The following NEDD4L variants were observed in gnomAD, a reference collection of about 807,000 sequenced individuals.
NEDD4L encodes E3 ubiquitin-protein ligase NEDD4-like.
In NEDD4L, 54 loss-of-function variants were observed where a neutral mutation model predicts 148.9. The observed-to-expected ratio is 0.36, with a 90% CI of 0.29 to 0.45. The LOEUF is 0.45. Among genes scored for constraint, NEDD4L ranks in the 20% least tolerant of loss-of-function variants. The probability of loss-of-function intolerance (pLI) is 1.00; values close to 1 mark genes in which losing one functional copy is unlikely to be tolerated. For missense variants in NEDD4L, 856 were observed against 1,233.8 expected (o/e 0.69, Z 4.59); for synonymous variants, 433 against 440.7 (o/e 0.98, Z 0.22).
intron 1 of NEDD4L, chr18:58,091,247 T>C (rs951040943): frequency 9.9e-5 from 15 of 152,226 alleles, no homozygotes; most frequent in African/African-American, 2.9e-4. Flanking sequence ...GTACCTTTCC[T>C]AAAGTGTGGT....
chr18:58,187,816 C>G (rs1362892891), intron 2 of NEDD4L, among the ~76,000 whole-genome samples: 1 of 151,900 alleles, frequency 6.6e-6, no homozygotes, highest in Non-Finnish European at 1.5e-5. Context: ...TCACCACCGC[C>G]CCCCACCCCC....
chr18:58,195,688 TC>T, intron 2 of NEDD4L: 1 of 1,352,080 alleles, frequency 7.4e-7, no homozygotes, highest in Non-Finnish European at 9.8e-7. Context: ...GACCTGCCTC[TC>T]TCTCCGCTCC....
intron 2 of NEDD4L, among the ~76,000 whole-genome samples, chr18:58,187,088 G>A (rs972522622): frequency 2.0e-5 from 3 of 152,234 alleles, no homozygotes; most frequent in Non-Finnish European, 2.9e-5. Flanking sequence ...AGGCCACTCA[G>A]TAGGAAGGGC....
intron 17 of NEDD4L, among the ~76,000 whole-genome samples, chr18:58,349,879 T>A (rs1451662836): frequency 6.6e-6 from 1 of 152,198 alleles, no homozygotes; most frequent in African/African-American, 2.4e-5. Context: ...CAAGAGACGT[T>A]CTCTGCAGGT....
intron 2 of NEDD4L, among the ~76,000 whole-genome samples, chr18:58,201,133 G>A (rs1284605238): frequency 2.0e-5 from 3 of 152,170 alleles, no homozygotes; most frequent in Non-Finnish European, 4.4e-5. Context: ...AGGAGTTCGA[G>A]GCCACCCTGG....
At chr18:58,373,722 C>T (rs562331120) in intron 24 of NEDD4L, among the ~76,000 whole-genome samples, 5 of 152,290 alleles carry the variant, frequency 3.3e-5, no homozygotes, top group Admixed American at 1.3e-4. Flanking sequence ...TGGCAGGCTC[C>T]GGTTTTTCTA....
intron 2 of NEDD4L, among the ~76,000 whole-genome samples, chr18:58,170,035 G>A (rs2037372417): frequency 6.6e-6 from 1 of 152,006 alleles, no homozygotes; most frequent in Admixed American, 6.6e-5. Context: ...ATAGCACATA[G>A]CACCTAACAG....
intron 1 of NEDD4L, among the ~76,000 whole-genome samples, chr18:58,057,521 T>C (rs2082142428): frequency 6.6e-6 from 1 of 152,134 alleles, no homozygotes; most frequent in South Asian, 2.1e-4. Flanking sequence ...CAGCTGCACC[T>C]GGATGGGGTA....
chr18:58,108,848 G>A (rs1460726753), intron 1 of NEDD4L, among the ~76,000 whole-genome samples: 1 of 152,172 alleles, frequency 6.6e-6, no homozygotes, highest in Non-Finnish European at 1.5e-5. Context: ...GACATAAATA[G>A]GCAGAGTTTC....
intron 20 of NEDD4L, among the ~76,000 whole-genome samples, chr18:58,364,667 T>A (rs1764957438): frequency 6.6e-6 from 1 of 152,190 alleles, no homozygotes; most frequent in Non-Finnish European, 1.5e-5. Flanking sequence ...TTATGCGCAG[T>A]TATCATATTT....
chr18:58,243,625 A>G (rs1273069479), intron 2 of NEDD4L, among the ~76,000 whole-genome samples: 6 of 152,122 alleles, frequency 3.9e-5, no homozygotes, highest in Non-Finnish European at 8.8e-5. Flanking sequence ...CGCCTGATTC[A>G]TCTGCCAGCC....
chr18:58,227,561 CTCTG>C (rs1408151427), intron 2 of NEDD4L, among the ~76,000 whole-genome samples: 3 of 152,160 alleles, frequency 2.0e-5, no homozygotes, highest in Non-Finnish European at 2.9e-5. Flanking sequence ...TCCCTGCATG[CTCTG>C]TCTAAGGGCT....
intron 1 of NEDD4L, among the ~76,000 whole-genome samples, chr18:58,124,778 A>C (rs978768162): frequency 2.4e-4 from 37 of 152,252 alleles, no homozygotes; most frequent in African/African-American, 8.9e-4. Context: ...TTTATTCAAT[A>C]ATAATCACTA....
intron 16 of NEDD4L, among the ~76,000 whole-genome samples, chr18:58,344,067 TG>T (rs1276139153): frequency 6.6e-6 from 1 of 152,234 alleles, no homozygotes; most frequent in African/African-American, 2.4e-5. Flanking sequence ...ATGGGAATGC[TG>T]GTTGAGTTTT....
chr18:58,218,454 A>G (rs921410452), intron 2 of NEDD4L, among the ~76,000 whole-genome samples: 1 of 152,202 alleles, frequency 6.6e-6, no homozygotes, highest in African/African-American at 2.4e-5. Context: ...GAAATGAGCA[A>G]GAATGAAAGC....
intron 5 of NEDD4L, among the ~76,000 whole-genome samples, chr18:58,279,621 T>C (rs1021525662): frequency 2.6e-5 from 4 of 152,162 alleles, no homozygotes; most frequent in Non-Finnish European, 5.9e-5. Flanking sequence ...GTAGGATTTT[T>C]TGTTGGTGTG....
At chr18:58,107,563 C>A (rs2085140162) in intron 1 of NEDD4L, among the ~76,000 whole-genome samples, 1 of 152,112 alleles carries the variant, frequency 6.6e-6, no homozygotes, top group Non-Finnish European at 1.5e-5. Context: ...ACAAAAATTA[C>A]AAAATATCAG....
At chr18:58,157,049 A>G (rs1460061376) in intron 1 of NEDD4L, among the ~76,000 whole-genome samples, 1 of 151,654 alleles carries the variant, frequency 6.6e-6, no homozygotes, top group Non-Finnish European at 1.5e-5. Flanking sequence ...ATAGCTGGGT[A>G]TGGTAGCACA....
chr18:58,394,901 G>A (rs748724731), intron 30 of NEDD4L, among the ~76,000 whole-genome samples: 2 of 152,194 alleles, frequency 1.3e-5, no homozygotes, highest in Non-Finnish European at 2.9e-5. Flanking sequence ...ATCAATACCT[G>A]GAGGGGGCGG....
Sources: allele counts gnomAD v4.1 joint callset (sites outside exome capture counted in the v4.1 genomes callset), GRCh38; gene constraint gnomAD v4.1.1; transcripts MANE v1.5; gene names NCBI Gene and HGNC (gene_info 2026-07-23, HGNC 2026-07-21).